Variants in DPH7 observed in about 807,000 individuals in gnomAD.
The protein encoded by DPH7 is diphthine methyltransferase.
In DPH7, 44 loss-of-function variants were observed where a neutral mutation model predicts 41.7. The observed-to-expected ratio is 1.05, with a 90% CI of 0.83 to 1.36. The LOEUF is 1.36. DPH7 is among the 40% of genes most tolerant of loss of function. DPH7 has a pLI of 0.00. For missense variants in DPH7, 629 were observed against 577.5 expected, an observed-to-expected ratio of 1.09 and a Z score of -0.91; for synonymous variants, 275 against 238.0, an observed-to-expected ratio of 1.16 and a Z score of -1.43.
chr9:137,573,217 C>T (rs1262098222), intron 5 of DPH7, among the ~76,000 whole-genome samples: 13 of 149,938 alleles, frequency 8.7e-5, no homozygotes, highest in African/African-American at 2.2e-4. Flanking sequence ...AAAAATTAGC[C>T]GGGCGTGGTG....
intron 5 of DPH7, among the ~76,000 whole-genome samples, chr9:137,570,101 T>C (rs1449508896): frequency 6.7e-6 from 1 of 150,074 alleles, no homozygotes; most frequent in African/African-American, 2.5e-5. Context: ...CATCCATCCA[T>C]CCACCCACAC....
chr9:137,575,685 C>G (rs749655925), intron 3 of DPH7: 15 of 1,034,960 alleles, frequency 1.4e-5, no homozygotes, highest in Non-Finnish European at 1.7e-5. Flanking sequence ...GTGAGAAACT[C>G]GGAAAAATTC....
rs531174433 is a variant in DPH7, at chr9:137,556,166, G to T, written c.950-518C>A. Among the ~76,000 whole-genome samples the T allele has an allele frequency of 3.3e-5, 5 of 152,310 alleles. No homozygotes were observed. The highest frequency in any genetic ancestry group is 1.2e-4 in the African/African-American group (5 of 41,562). ...CGCCCTGTTTCAGAGTCTGGATTCTGGCTTGGAAAGGAGCCACTGACAAGG... is the reference window on the plus strand; with the variant it reads ...CGCCCTGTTTCAGAGTCTGGATTCTTGCTTGGAAAGGAGCCACTGACAAGG... On this transcript the variant is annotated intron_variant, in intron 8 of 8. Transcript: ENST00000277540. The surrounding 1 kb of genome is among the most constrained non-coding windows in gnomAD (Gnocchi z 5.2).
In DPH7 at chr9:137,563,064, A is replaced by G. The variant is rs953932584; in HGVS notation, c.949+1370T>C. On this transcript the variant is annotated intron_variant, in intron 8 of 8. Transcript: ENST00000277540. ...GAGGCTGAGATGGGAGGATGGTTTG[A>G]GCCCCAGGAGGTTGAGGCTGCAGTG... Among the ~76,000 whole-genome samples the G allele has an allele frequency of 1.6e-4, 24 of 152,210 alleles. 1 individual carries two copies. In the East Asian group the frequency reaches 4.6e-3, roughly 29 times the overall value.
intron 7 of DPH7, 121 bp from the exon 8 acceptor site, chr9:137,564,727 G>A: frequency 6.8e-7 from 1 of 1,467,158 alleles, no homozygotes; most frequent in South Asian, 1.2e-5. Flanking sequence ...CGAGGACAAA[G>A]TCCCCTTTAC....
In DPH7 at chr9:137,575,187, C is replaced by A. The variant is rs558200130; in HGVS notation, c.376-344G>T. ...AGGCTCCAGACCACAGTGGCACACA[C>A]AGTTTCCCACCCCAGGCCTCCAGGG... is the stretch of plus-strand genomic sequence containing the variant. On this transcript the variant is annotated intron_variant, in intron 3 of 8. Transcript: ENST00000277540. 1.8e-4 allele frequency: 184 copies of A among 1,027,256 alleles called. 1 individual carries two copies. In the African/African-American group the frequency reaches 2.9e-3, roughly 16 times the overall value. 63.6% of individuals were successfully genotyped at this position (1,027,256 alleles called of 1,614,324 possible).
intron 5 of DPH7, among the ~76,000 whole-genome samples, chr9:137,571,099 C>T (rs1010103757): frequency 3.3e-5 from 5 of 152,006 alleles, no homozygotes; most frequent in South Asian, 2.1e-4. Flanking sequence ...TTAAGGCTGC[C>T]GTGACCTGTG....
chr9:137,555,774 C>T, intron 8 of DPH7, 126 bp from the exon 9 acceptor site: 1 of 1,119,664 alleles, frequency 8.9e-7, no homozygotes, highest in Non-Finnish European at 1.2e-6. Context: ...TCCTGAGGAG[C>T]CGTTGTGTCA....
intron 5 of DPH7, among the ~76,000 whole-genome samples, chr9:137,568,633 T>G (rs972023927): frequency 6.6e-6 from 1 of 152,086 alleles, no homozygotes; most frequent in African/African-American, 2.4e-5. Flanking sequence ...GAGTCTTAGG[T>G]TGCCACCTCA....
At chr9:137,560,852 T>A in intron 8 of DPH7, among the ~76,000 whole-genome samples, 1 of 111,356 alleles carries the variant, frequency 9.0e-6, no homozygotes. Flanking sequence ...TGAGACTCTG[T>A]CTCAAAAAAA....
rs556084571 is a variant in DPH7 at position 137,559,516 on chromosome 9, G to A, written c.950-3868C>T. Among the ~76,000 whole-genome samples, 34 of 152,264 alleles carry A rather than the reference G, an allele frequency of 2.2e-4. No individual in the cohort carries two copies. The East Asian group carries it at 3.7e-3, about 16-fold the overall frequency. On this transcript the variant is annotated intron_variant, in intron 8 of 8. Coordinates refer to ENST00000277540, the MANE Select transcript of DPH7 (RefSeq NM_138778.5). ...CCCGCAGTTATCCGGAGGCCTAACC[G>A]TCTCCCCGTGATGCTGTGCTTCAGT...
chr9:137,575,730 A>AG (rs1456313681), intron 3 of DPH7: 2 of 1,074,068 alleles, frequency 1.9e-6, no homozygotes, highest in Non-Finnish European at 2.3e-6. Flanking sequence ...ATAATCAGTG[A>AG]GAAATGCCAT....
chr9:137,571,306 C>T (rs566821686), intron 5 of DPH7, among the ~76,000 whole-genome samples: 43 of 151,920 alleles, frequency 2.8e-4, no homozygotes, highest in Non-Finnish European at 5.9e-4. Context: ...ACTGTCTCAG[C>T]CTCCCGAGTA....
chr9:137,564,773 C>A, intron 7 of DPH7, 120 bp downstream of exon 7: 3 of 1,429,974 alleles, frequency 2.1e-6, no homozygotes, highest in Non-Finnish European at 1.9e-6. Context: ...GAAGCACTGG[C>A]AGACGAAATG....
rs1352215921 is a variant in DPH7 at position 137,555,117 on chromosome 9, A to G, written c.*122T>C. The G allele has an allele frequency of 8.0e-7, 1 of 1,244,524 alleles. No individual in the cohort carries two copies. The highest frequency in any genetic ancestry group is 2.6e-5 in the East Asian group (1 of 38,384). 77.1% of individuals were successfully genotyped at this position (1,244,524 alleles called of 1,614,324 possible). A position where few individuals can be genotyped will look rare whatever the true frequency, so the allele number is the denominator to read the frequency against. On this transcript the variant is annotated 3_prime_UTR_variant, in exon 9 of 9. Transcript: ENST00000277540. ...AACAGCTTTTCTGACTACACTGTGG[A>G]TTCCATCAGTGCACAGGCACCTGCA...
intron 5 of DPH7, among the ~76,000 whole-genome samples, chr9:137,570,325 G>A (rs1427366622): frequency 6.6e-6 from 1 of 152,200 alleles, no homozygotes; most frequent in Non-Finnish European, 1.5e-5. Flanking sequence ...TACAGAGTAG[G>A]CAAAGGCTTC....
chr9:137,558,943 A>G (rs1357513701), intron 8 of DPH7, among the ~76,000 whole-genome samples: 2 of 152,146 alleles, frequency 1.3e-5, no homozygotes, highest in East Asian at 3.8e-4. Flanking sequence ...GGCGTGAGAC[A>G]CTGCGCCCGG....
intron 5 of DPH7, among the ~76,000 whole-genome samples, chr9:137,570,711 G>A (rs557355376): frequency 1.8e-4 from 27 of 152,144 alleles, no homozygotes; most frequent in African/African-American, 6.0e-4. Context: ...CTTCTATTCC[G>A]CTACTGCCTC....
In DPH7 at chr9:137,555,470, G is replaced by A. The variant is rs753196193; in HGVS notation, c.1128C>T (p.Pro376=). Residue 376 remains proline (P), a synonymous_variant, in exon 9 of 9, where the codon CCC becomes CCT. Coordinates refer to ENST00000277540, the MANE Select transcript of DPH7 (RefSeq NM_138778.5). ...CGTTATCCTCTCTGCATTCATGACAGGGTGTTGGCAACTCGCTTGCACCCT... is the reference window on the plus strand; with the variant it reads ...CGTTATCCTCTCTGCATTCATGACAAGGTGTTGGCAACTCGCTTGCACCCT... ...DLKGASELPT[P]CHECREDNDG... 1 of 1,614,140 alleles carries A rather than the reference G, an allele frequency of 6.2e-7. No homozygotes were observed. The highest frequency in any genetic ancestry group is 8.5e-7 in the Non-Finnish European group (1 of 1,180,012).
Sources: gnomAD v4.1 joint callset for allele counts (sites outside exome capture counted in the v4.1 genomes callset) on GRCh38, gnomAD v4.1.1 for gene constraint, Gnocchi (gnomAD v3.1) non-coding constraint, MANE v1.5 for transcripts, NCBI Gene and HGNC (gene_info 2026-07-23, HGNC 2026-07-21) for gene names.